The following CDH26 variants were observed in gnomAD, a reference collection of about 807,000 sequenced individuals.
The protein encoded by CDH26 is cadherin 26.
CDH26 carries 83 observed loss-of-function variants against 90.3 expected under a neutral mutation model. The ratio of observed to expected loss-of-function variants is 0.92; its 90% CI spans 0.77 to 1.10. The LOEUF is 1.10. CDH26 is among the 50% of genes least tolerant of loss of function. CDH26 has a pLI of 0.00. For synonymous variants in CDH26, 397 were observed against 396.3 expected (o/e 1.00, Z -0.02); for missense variants, 1,013 against 1,037.6 (o/e 0.98, Z 0.33).
chr20:59,985,441 G>C (rs1397291171), intron 7 of CDH26, among the ~76,000 whole-genome samples: 13 of 151,964 alleles, frequency 8.6e-5, no homozygotes. Context: ...GAGGTGGGTG[G>C]GGAAGAATGA....
Position 59,992,659 on chromosome 20 carries a change from A to G in CDH26, c.1426+139A>G. 6.0e-6 allele frequency: 5 copies of G among 836,100 alleles called. No individual in the cohort carries two copies. Among genetic ancestry groups the G allele is most frequent in the Non-Finnish European group, 9.2e-6 (5 of 541,456 alleles). 51.8% of individuals were successfully genotyped at this position (836,100 alleles called of 1,614,324 possible). A position where few individuals can be genotyped will look rare whatever the true frequency, so the allele number is the denominator to read the frequency against. ...TTATCACTCTGCATCCATGCTGGTG[A>G]TTATTTTTGGTAATAATTCTTAAAA... On this transcript the variant is annotated intron_variant, in intron 10 of 17. Coordinates refer to ENST00000348616, the MANE Select transcript of CDH26 (RefSeq NM_177980.4). This position sits in a 1 kb window ranked among gnomAD's most constrained non-coding sequence, Gnocchi z 5.0.
chr20:59,988,819 G>C (rs2061489148), intron 8 of CDH26, 85 bp from the exon 9 acceptor site: 1 of 1,480,412 alleles, frequency 6.8e-7, no homozygotes, highest in South Asian at 1.2e-5. Context: ...CACAAGCTCT[G>C]AGTTTGCAAT....
chr20:59,969,956 T>C, intron 2 of CDH26, 126 bp from the exon 3 acceptor site: 1 of 1,397,448 alleles, frequency 7.2e-7, no homozygotes, highest in Non-Finnish European at 9.5e-7. Flanking sequence ...AGGTGGCTGT[T>C]CTGGCGATGA....
chr20:60,024,504 G>A (rs1018728006), intron 7 of CDH26, among the ~76,000 whole-genome samples: 2 of 152,248 alleles, frequency 1.3e-5, no homozygotes, highest in East Asian at 3.8e-4. Flanking sequence ...TTGAGAGCAA[G>A]TAACTTATTA....
chr20:59,979,339 C>T (rs1296128279), intron 4 of CDH26, among the ~76,000 whole-genome samples: 1 of 151,886 alleles, frequency 6.6e-6, no homozygotes, highest in Admixed American at 6.6e-5. Flanking sequence ...CCTGGGACTA[C>T]AGGCGCCTGC....
At chr20:60,010,954 T>C (rs195011) in intron 17 of CDH26, among the ~76,000 whole-genome samples, 26,142 of 152,148 alleles carry the variant, frequency 0.17, 4,804 homozygotes, top group African/African-American at 0.46. Context: ...GAGGCTTTCA[T>C]GGCCAGGTAC....
chr20:60,029,989 CAA>C (rs1175414578), intron 7 of CDH26, among the ~76,000 whole-genome samples: 2 of 152,090 alleles, frequency 1.3e-5, no homozygotes, highest in Non-Finnish European at 2.9e-5. Flanking sequence ...CACTGAGAGA[CAA>C]GAGATTCAGT....
chr20:60,017,234 C>T (rs978022521), downstream of CDH26, among the ~76,000 whole-genome samples: 7 of 151,940 alleles, frequency 4.6e-5, no homozygotes, highest in Admixed American at 3.9e-4. Context: ...TGAAACCATC[C>T]GGCCCTGAAC....
intron 15 of CDH26, among the ~76,000 whole-genome samples, chr20:60,002,505 G>C (rs1468891387): frequency 1.3e-5 from 2 of 152,024 alleles, no homozygotes; most frequent in Non-Finnish European, 2.9e-5. Flanking sequence ...GTGCCGCTAG[G>C]CCTGGGTCCT....
chr20:59,984,722 C>G lies in CDH26; in HGVS notation c.625C>G (p.Gln209Glu), dbSNP rs1426212768. 3 of 1,614,004 alleles carry G rather than the reference C, an allele frequency of 1.9e-6. No homozygotes were observed. Among genetic ancestry groups the G allele is most frequent in the South Asian group, 1.1e-5 (1 of 91,066 alleles). ...TCAAGTCCTTTACTTCCTCATTTCT[C>G]AAACACCATTACTGAAAGAAAGTGG... ...NSQVLYFLIS[Q>E]TPLLKESGFR... Residue 209 changes from glutamine to glutamate, a missense_variant, in exon 6 of 18, where the codon CAA becomes GAA. Gln to Glu is a conservative substitution (Grantham distance 29). Coordinates refer to ENST00000348616, the MANE Select transcript of CDH26 (RefSeq NM_177980.4).
At chr20:59,983,145 C>A in intron 5 of CDH26, 75 bp downstream of exon 5, 1 of 1,507,568 alleles carries the variant, frequency 6.6e-7, no homozygotes, top group South Asian at 1.3e-5. Context: ...TGATGAGGAG[C>A]TTGATCCTAG....
rs776221277 is a variant in CDH26, at chr20:59,989,164, G to A, written c.1283+1G>A. On this transcript the variant is annotated splice_donor_variant, in intron 9 of 17. Transcript: ENST00000348616. LOFTEE classifies it high-confidence loss of function. ...CCATGGATCCAGACAGCCAGATAAG[G>A]TGAGAAGAGAGGGCCAAGAAGGGCG... is the stretch of plus-strand genomic sequence containing the variant. 4.3e-6 allele frequency: 7 copies of A among 1,613,706 alleles called. No homozygotes were observed. The highest frequency in any genetic ancestry group is 2.5e-6 in the Non-Finnish European group (3 of 1,179,740).
At chr20:59,967,959 CTTTCTT>C (rs1569024754) in intron 1 of CDH26, among the ~76,000 whole-genome samples, 6 of 21,368 alleles carry the variant, frequency 2.8e-4, no homozygotes, top group South Asian at 3.1e-3. Context: ...TTCTTTCTAT[CTTTCTT>C]TCTTTCTTTC....
chr20:60,020,743 A>C, intron 7 of CDH26, among the ~76,000 whole-genome samples: 1 of 152,152 alleles, frequency 6.6e-6, no homozygotes, highest in East Asian at 1.9e-4. Flanking sequence ...AGCTTGGCTC[A>C]CAATGTGGGG....
At chr20:59,966,197 C>A (rs915993297) in intron 1 of CDH26, among the ~76,000 whole-genome samples, 1 of 93,232 alleles carries the variant, frequency 1.1e-5, no homozygotes, top group African/African-American at 4.3e-5. Context: ...ATCACAGTTT[C>A]TTGGTTGTTC....
intron 8 of CDH26, among the ~76,000 whole-genome samples, chr20:60,032,538 C>T (rs2062047794): frequency 6.6e-6 from 1 of 152,066 alleles, no homozygotes; most frequent in South Asian, 2.1e-4. Flanking sequence ...GCTATAAAGA[C>T]ACATGCACAC....
At chr20:59,993,809 C>T (rs2061557210) in intron 10 of CDH26, among the ~76,000 whole-genome samples, 1 of 152,160 alleles carries the variant, frequency 6.6e-6, no homozygotes, top group African/African-American at 2.4e-5. Flanking sequence ...TATCCTTTGC[C>T]AGTTTTCCCC....
chr20:60,020,136 G>T (rs13043745), intron 7 of CDH26, among the ~76,000 whole-genome samples: 44,047 of 152,052 alleles, frequency 0.29, 6,566 homozygotes, highest in East Asian at 0.47. Flanking sequence ...AGTTGGGACC[G>T]TGGGATTATT....
At chr20:60,029,643 A>C in intron 7 of CDH26, among the ~76,000 whole-genome samples, 8 of 150,186 alleles carry the variant, frequency 5.3e-5, no homozygotes, top group East Asian at 2.0e-4. Flanking sequence ...CTTGCCTCCC[A>C]CCCCGCAACA....
Sources: gnomAD v4.1 joint callset for allele counts (sites outside exome capture counted in the v4.1 genomes callset) on GRCh38, gnomAD v4.1.1 for gene constraint, Gnocchi (gnomAD v3.1) non-coding constraint, MANE v1.5 for transcripts, NCBI Gene and HGNC (gene_info 2026-07-23, HGNC 2026-07-21) for gene names.